ZNF136: variants seen among roughly 807,000 people sequenced by gnomAD.
The protein encoded by ZNF136 is zinc finger protein 136, also known as zinc finger protein 136 (clone pHZ-20).
Under a neutral mutation model 11.4 loss-of-function variants are expected in ZNF136, and 8 were observed. The ratio of observed to expected loss-of-function variants is 0.70; its 90% CI spans 0.41 to 1.27. The LOEUF is 1.27. ZNF136 is among the 50% of genes most tolerant of loss of function. The pLI, the probability that ZNF136 is intolerant of heterozygous loss-of-function variation, is 0.01. For synonymous variants in ZNF136, 190 were observed against 207.1 expected (o/e 0.92, Z 0.71); for missense variants, 590 against 656.5 (o/e 0.90, Z 1.11).
chr19:12,172,729 A>G (rs1238084470), intron 1 of ZNF136, among the ~76,000 whole-genome samples: 2 of 152,214 alleles, frequency 1.3e-5, no homozygotes, highest in Non-Finnish European at 2.9e-5. Flanking sequence ...TATAAATCCC[A>G]GAGGCCGGCT....
chr19:12,169,672 G>C (rs144108148), intron 1 of ZNF136, among the ~76,000 whole-genome samples: 2 of 150,872 alleles, frequency 1.3e-5, no homozygotes, highest in African/African-American at 4.9e-5. Context: ...GCAATGGAGC[G>C]ATCTTGGCTC....
At chr19:12,173,580 C>T (rs1914713821) in intron 1 of ZNF136, among the ~76,000 whole-genome samples, 1 of 152,144 alleles carries the variant, frequency 6.6e-6, no homozygotes, top group Admixed American at 6.6e-5. Context: ...TAGACTTTGC[C>T]CTATGCTTCT....
At chr19:12,173,848 TAATCG>T (rs1394095372) in intron 1 of ZNF136, among the ~76,000 whole-genome samples, 1 of 152,194 alleles carries the variant, frequency 6.6e-6, no homozygotes, top group East Asian at 1.9e-4. Flanking sequence ...GATAGCTTCA[TAATCG>T]AATCGGTTTG....
Position 12,163,202 on chromosome 19 carries a change from AAATGGTGAGT to A in ZNF136, c.-1_3+6del, listed in dbSNP as rs753591046. On this transcript the variant is annotated splice_donor_variant and splice_donor_5th_base_variant and coding_sequence_variant and 5_prime_UTR_variant and intron_variant, in exon 1 of 4. Coordinates refer to ENST00000343979, the MANE Select transcript of ZNF136 (RefSeq NM_003437.5). LOFTEE classifies it high-confidence loss of function. ...GAAGCTGGGACACCCGGGAGTCAGGAAATGGTGAGTGTGTCGGGCCCTGCGTCCCGAGACA... is the reference window on the plus strand; with the variant it reads ...GAAGCTGGGACACCCGGGAGTCAGGAGTGTCGGGCCCTGCGTCCCGAGACA... 2.1e-6 allele frequency: 3 copies of A among 1,401,904 alleles called. No individual in the cohort carries two copies. Among genetic ancestry groups the A allele is most frequent in the Non-Finnish European group, 2.8e-6 (3 of 1,071,546 alleles). The allele number at this position is 1,401,904 out of a possible 1,614,324, so 86.8% of individuals were successfully genotyped here. A position where few individuals can be genotyped will look rare whatever the true frequency, so the allele number is the denominator to read the frequency against.
In ZNF136 at chr19:12,187,538, C is replaced by T; in HGVS notation, c.1160C>T (p.Thr387Ile). The change falls in exon 4 of 4, where the codon ACT (threonine) becomes ATT (isoleucine). Residue 387 changes from threonine (T) to isoleucine (I), a missense_variant. Transcript: ENST00000343979. ...PSMRRHMIKH[T>I]GEGPYKCKVC... Reference sequence around the variant, plus strand: ...ATGCGAAGACACATGATAAAACATACTGGAGAAGGACCTTATAAATGTAAG... The same window carrying T: ...ATGCGAAGACACATGATAAAACATATTGGAGAAGGACCTTATAAATGTAAG... 1.9e-6 allele frequency: 3 copies of T among 1,613,938 alleles called. No individual in the cohort carries two copies. Among genetic ancestry groups the T allele is most frequent in the Non-Finnish European group, 2.5e-6 (3 of 1,179,970 alleles).
At chr19:12,165,573 T>C (rs979027680) in intron 1 of ZNF136, among the ~76,000 whole-genome samples, 1 of 152,210 alleles carries the variant, frequency 6.6e-6, no homozygotes, top group Non-Finnish European at 1.5e-5. Context: ...ATCTGCATGA[T>C]ATGTGTAGGT....
At chr19:12,183,784 G>A (rs1915010486) in intron 1 of ZNF136, among the ~76,000 whole-genome samples, 1 of 152,122 alleles carries the variant, frequency 6.6e-6, no homozygotes, top group Non-Finnish European at 1.5e-5. Flanking sequence ...TTTTTCTGTA[G>A]AGATGGAGGT....
Position 12,163,217 on chromosome 19 carries a change from C to G in ZNF136, c.3+11C>G. On this transcript the variant is annotated intron_variant, in intron 1 of 3. Transcript: ENST00000343979. ...GGGAGTCAGGAAATGGTGAGTGTGTCGGGCCCTGCGTCCCGAGACAGGGAG... is the reference window on the plus strand; with the variant it reads ...GGGAGTCAGGAAATGGTGAGTGTGTGGGGCCCTGCGTCCCGAGACAGGGAG... 3 of 1,384,920 alleles carry G rather than the reference C, an allele frequency of 2.2e-6. No homozygotes were observed. Among genetic ancestry groups the G allele is most frequent in the Non-Finnish European group, 2.8e-6 (3 of 1,060,236 alleles). 85.8% of individuals were successfully genotyped at this position (1,384,920 alleles called of 1,614,324 possible).
chr19:12,182,075 T>C (rs1387080009), intron 1 of ZNF136, among the ~76,000 whole-genome samples: 2 of 151,896 alleles, frequency 1.3e-5, no homozygotes, highest in Non-Finnish European at 2.9e-5. Context: ...CCCAGCTGAC[T>C]ATTTGTCCTT....
chr19:12,164,382 C>T (rs935318671), intron 1 of ZNF136, among the ~76,000 whole-genome samples: 4 of 152,018 alleles, frequency 2.6e-5, no homozygotes, highest in Admixed American at 2.6e-4. Context: ...AGCGATTCTC[C>T]TGCCTCAGCC....
chr19:12,172,228 C>T (rs1190145723), intron 1 of ZNF136, among the ~76,000 whole-genome samples: 64 of 152,188 alleles, frequency 4.2e-4, no homozygotes, highest in Admixed American at 4.1e-3. Flanking sequence ...GGATTACAGA[C>T]GTGAGCCACT....
chr19:12,168,521 G>A (rs1416429708), intron 1 of ZNF136, among the ~76,000 whole-genome samples: 1 of 152,058 alleles, frequency 6.6e-6, no homozygotes, highest in South Asian at 2.1e-4. Flanking sequence ...GTCCTGTAGG[G>A]AAGGGGGTCC....
At chr19:12,169,055 A>G (rs538145039) in intron 1 of ZNF136, among the ~76,000 whole-genome samples, 1 of 152,080 alleles carries the variant, frequency 6.6e-6, no homozygotes, top group Non-Finnish European at 1.5e-5. Flanking sequence ...TTGGATTTCT[A>G]TGCAGTTGGT....
intron 1 of ZNF136, among the ~76,000 whole-genome samples, chr19:12,183,415 C>A (rs1162611124): frequency 6.6e-6 from 1 of 152,138 alleles, no homozygotes; most frequent in Non-Finnish European, 1.5e-5. Flanking sequence ...GGATTTTAGG[C>A]GTGAGCCACC....
At chr19:12,163,784 T>G (rs10405392) in intron 1 of ZNF136, 1,558 of 152,592 alleles carry the variant, frequency 0.01, 21 homozygotes, top group African/African-American at 0.035. Context: ...TTGTTTATTT[T>G]TCAACAAAGC....
At chr19:12,177,560 G>A (rs911028541) in intron 1 of ZNF136, among the ~76,000 whole-genome samples, 1 of 152,124 alleles carries the variant, frequency 6.6e-6, no homozygotes, top group Admixed American at 6.5e-5. Context: ...TGTTGGCTAG[G>A]CTGCTCGTGA....
chr19:12,187,867 A>T lies in ZNF136; in HGVS notation c.1489A>T (p.Thr497Ser). 6.2e-7 allele frequency: 1 copy of T among 1,603,694 alleles called. No homozygotes were observed. The highest frequency in any genetic ancestry group is 8.5e-7 in the Non-Finnish European group (1 of 1,176,812). Residue 497 changes from threonine (T) to serine (S), a missense_variant, in exon 4 of 4, where the codon ACT becomes TCT. By Grantham distance (58) the Thr-to-Ser change is moderately conservative. Transcript: ENST00000343979. ...SSSSFRLHER[T>S]HTGQKPYHCK... is the part of the protein sequence containing the mutation. Reference sequence around the variant, plus strand: ...TAGTTCCTTTCGACTACATGAAAGGACTCACACTGGACAGAAACCCTATCA... The same window carrying T: ...TAGTTCCTTTCGACTACATGAAAGGTCTCACACTGGACAGAAACCCTATCA...
chr19:12,171,978 C>CTT lies in ZNF136; in HGVS notation c.3+8788_3+8789dup, dbSNP rs57769136. ...AAAATTTTTTATTTTCTCTCTCTCT[C>CTT]TTTTTTTTTTTTTTTTTGGAGACAG... On this transcript the variant is annotated intron_variant, in intron 1 of 3. Coordinates refer to ENST00000343979, the MANE Select transcript of ZNF136 (RefSeq NM_003437.5). Among the ~76,000 whole-genome samples, 436 of 129,540 alleles carry CTT rather than the reference C, an allele frequency of 3.4e-3. 4 individuals carry two copies. The highest frequency in any genetic ancestry group is 0.01 in the African/African-American group (364 of 36,332). The allele number at this position is 129,540 out of a possible 152,430, so 85.0% of individuals were successfully genotyped here. A position where few individuals can be genotyped will look rare whatever the true frequency, so the allele number is the denominator to read the frequency against.
intron 1 of ZNF136, among the ~76,000 whole-genome samples, chr19:12,179,925 G>A (rs981122906): frequency 7.9e-5 from 12 of 151,940 alleles, no homozygotes; most frequent in Non-Finnish European, 1.8e-4. Flanking sequence ...GAGTGCAGTG[G>A]CGCAGTCTCG....
Sources: allele counts gnomAD v4.1 joint callset (sites outside exome capture counted in the v4.1 genomes callset), GRCh38; gene constraint gnomAD v4.1.1; transcripts MANE v1.5; gene names NCBI Gene and HGNC (gene_info 2026-07-23, HGNC 2026-07-21).